The following VRK2 variants were observed in gnomAD, a reference collection of about 807,000 sequenced individuals.
The protein encoded by VRK2 is VRK serine/threonine kinase 2, also known as serine/threonine-protein kinase VRK2.
VRK2 carries 60 observed loss-of-function variants against 57.6 expected under a neutral mutation model. The ratio of observed to expected loss-of-function variants is 1.04; its 90% CI spans 0.85 to 1.29. The LOEUF (loss-of-function observed/expected upper bound fraction) is 1.29, where lower values mean the gene tolerates loss of function less well. Ranked by LOEUF, VRK2 falls within the 50% of genes most tolerant of loss-of-function variation. The pLI is 0.00. For synonymous variants in VRK2, 231 were observed against 199.2 expected (o/e 1.16, Z -1.35); for missense variants, 705 against 588.1 (o/e 1.20, Z -2.06).
At chr2:58,069,848 A>G (rs2103977237) in intron 2 of VRK2, among the ~76,000 whole-genome samples, 1 of 152,294 alleles carries the variant, frequency 6.6e-6, no homozygotes, top group East Asian at 1.9e-4. Flanking sequence ...CCCCAGTGTC[A>G]ACTTTCAAGG....
rs949334253 is a variant in VRK2, at chr2:57,914,031, A to G, written c.-439+6192A>G. ...CAAAATTGCTTAATACATTAAAGAG[A>G]AAAAACGTCAACTTTTCAAACAAAA... On this transcript the variant is annotated intron_variant, in intron 1 of 15. Coordinates refer to the VRK2 transcript ENST00000417641. Among the ~76,000 whole-genome samples, 7 of 152,202 alleles carry G rather than the reference A, an allele frequency of 4.6e-5. No homozygotes were observed. In the South Asian group the frequency reaches 6.2e-4, roughly 14 times the overall value.
chr2:58,089,589 C>T (rs781126213), intron 6 of VRK2, 42 bp from the exon 7 acceptor site: 23 of 1,288,620 alleles, frequency 1.8e-5, no homozygotes, highest in African/African-American at 2.9e-5. Flanking sequence ...ATCATGAGTT[C>T]TAAATAGCAG....
chr2:57,913,139 T>A (rs978049398), intron 1 of VRK2, among the ~76,000 whole-genome samples: 4 of 152,198 alleles, frequency 2.6e-5, no homozygotes, highest in Admixed American at 2.6e-4. Flanking sequence ...CTGAACAGAC[T>A]GAAACATGGA....
intron 3 of VRK2, among the ~76,000 whole-genome samples, chr2:58,039,303 G>C (rs977442359): frequency 1.3e-5 from 2 of 151,944 alleles, no homozygotes; most frequent in African/African-American, 4.8e-5. Context: ...TGCCAAAAGG[G>C]GAAGTACATT....
intron 2 of VRK2, among the ~76,000 whole-genome samples, chr2:58,079,416 G>T (rs186454752): frequency 2.0e-5 from 3 of 151,900 alleles, no homozygotes; most frequent in Admixed American, 2.0e-4. Context: ...TTAACGACTT[G>T]CCCCAATTAT....
chr2:58,136,790 A>AT (rs1483931866), intron 10 of VRK2, among the ~76,000 whole-genome samples: 1 of 146,300 alleles, frequency 6.8e-6, no homozygotes, highest in Admixed American at 6.9e-5. Flanking sequence ...ATGTGTATAT[A>AT]TATCATATAT....
chr2:57,919,880 C>T (rs1204337405), intron 1 of VRK2, among the ~76,000 whole-genome samples: 1 of 152,070 alleles, frequency 6.6e-6, no homozygotes, highest in Admixed American at 6.6e-5. Context: ...AAAAAGGAGC[C>T]ATTATCTCCA....
intron 2 of VRK2, among the ~76,000 whole-genome samples, chr2:58,075,617 G>A (rs1415622596): frequency 6.6e-6 from 1 of 151,990 alleles, no homozygotes; most frequent in Non-Finnish European, 1.5e-5. Flanking sequence ...TTTTGATTTG[G>A]ATTTACCTAA....
chr2:57,922,542 C>T (rs893597899), intron 1 of VRK2, among the ~76,000 whole-genome samples: 7 of 151,552 alleles, frequency 4.6e-5, no homozygotes, highest in African/African-American at 1.7e-4. Context: ...TGAATATCCT[C>T]ATCATGCTAA....
At chr2:58,123,485 G>A (rs561024117) in intron 8 of VRK2, among the ~76,000 whole-genome samples, 1 of 152,194 alleles carries the variant, frequency 6.6e-6, no homozygotes, top group East Asian at 1.9e-4. Context: ...GCTCATTTTA[G>A]CCAGAAAGCC....
At chr2:58,007,573 CTTACT>C (rs1673286824) in intron 1 of VRK2, among the ~76,000 whole-genome samples, 1 of 152,078 alleles carries the variant, frequency 6.6e-6, no homozygotes, top group Non-Finnish European at 1.5e-5. Flanking sequence ...ATTTTCTCTG[CTTACT>C]TTATGTAAGA....
chr2:58,015,379 C>G (rs1287685423), intron 1 of VRK2, among the ~76,000 whole-genome samples: 1 of 152,144 alleles, frequency 6.6e-6, no homozygotes, highest in African/African-American at 2.4e-5. Flanking sequence ...GAATCCTGGC[C>G]TTACTATTTC....
chr2:58,159,490 T>C lies in VRK2; in HGVS notation c.1324T>C (p.Phe442Leu). ...PHQDFTSPDI[F>L]KKSRSPSWYK... ...TCAAGATTTTACCAGTCCAGATATATTCAAGAAGTCAAGATCTCCATCTTG... is the reference window on the plus strand; with the variant it reads ...TCAAGATTTTACCAGTCCAGATATACTCAAGAAGTCAAGATCTCCATCTTG... Residue 442 changes from phenylalanine (F) to leucine (L), a missense_variant, in exon 13 of 13, where the codon TTC (phenylalanine) becomes CTC (leucine). By Grantham distance (22) the Phe-to-Leu change is conservative. Transcript: ENST00000340157. 6.2e-7 allele frequency: 1 copy of C among 1,613,740 alleles called. No individual in the cohort carries two copies. The highest frequency in any genetic ancestry group is 8.5e-7 in the Non-Finnish European group (1 of 1,179,794).
At chr2:58,075,770 G>A (rs893336317) in intron 2 of VRK2, among the ~76,000 whole-genome samples, 5 of 147,672 alleles carry the variant, frequency 3.4e-5, no homozygotes, top group East Asian at 2.0e-4. Flanking sequence ...CTTCTCCCAT[G>A]TTGATTAGGT....
intron 2 of VRK2, chr2:58,028,504 A>G (rs1170545568): frequency 6.6e-6 from 1 of 152,110 alleles, no homozygotes; most frequent in East Asian, 1.9e-4. Flanking sequence ...GTCAAATGGT[A>G]TTTCTAGTTC....
chr2:58,038,470 G>C (rs1674344185), intron 3 of VRK2, among the ~76,000 whole-genome samples: 1 of 152,128 alleles, frequency 6.6e-6, no homozygotes, highest in Admixed American at 6.5e-5. Flanking sequence ...CCTTACAGTG[G>C]TGTATAAATT....
intron 1 of VRK2, among the ~76,000 whole-genome samples, chr2:58,010,403 C>G (rs934713156): frequency 1.3e-5 from 2 of 152,012 alleles, no homozygotes; most frequent in African/African-American, 4.8e-5. Context: ...TACCAACTCC[C>G]TATTTTTTTT....
At chr2:58,088,570 A>T (rs972623505) in intron 6 of VRK2, 124 bp downstream of exon 6, 36 of 769,616 alleles carry the variant, frequency 4.7e-5, no homozygotes, top group Non-Finnish European at 7.3e-5. Flanking sequence ...ATCAGTTATT[A>T]GGAGTAGAGG....
At chr2:57,935,224 A>T (rs1474488746) in intron 1 of VRK2, among the ~76,000 whole-genome samples, 1 of 152,248 alleles carries the variant, frequency 6.6e-6, no homozygotes, top group East Asian at 1.9e-4. Flanking sequence ...TAATTTTGGC[A>T]GAAAAAATGC....
Sources: gnomAD v4.1 joint callset for allele counts (sites outside exome capture counted in the v4.1 genomes callset) on GRCh38, gnomAD v4.1.1 for gene constraint, MANE v1.5 for transcripts, NCBI Gene and HGNC (gene_info 2026-07-23, HGNC 2026-07-21) for gene names.